Variants in CLNK observed in about 807,000 individuals in gnomAD.
CLNK encodes cytokine dependent hematopoietic cell linker, also known as cytokine-dependent hematopoietic cell linker.
Under a neutral mutation model 68.6 loss-of-function variants are expected in CLNK, and 74 were observed. That is an observed-to-expected ratio of 1.08 (90% CI 0.89 to 1.31). CLNK has a LOEUF of 1.31. CLNK is among the 50% of genes most tolerant of loss of function. The probability of loss-of-function intolerance (pLI) is 0.00; values close to 1 mark genes in which losing one functional copy is unlikely to be tolerated. For synonymous variants in CLNK, 198 were observed against 172.2 expected, an observed-to-expected ratio of 1.15 and a Z score of -1.17; for missense variants, 553 against 515.3, an observed-to-expected ratio of 1.07 and a Z score of -0.71.
At chr4:10,633,960 CA>C (rs1263188817) in intron 2 of CLNK, among the ~76,000 whole-genome samples, 1 of 152,152 alleles carries the variant, frequency 6.6e-6, no homozygotes, top group East Asian at 1.9e-4. Context: ...CTAGTGAGGT[CA>C]GAATGAGAAC....
intron 5 of CLNK, among the ~76,000 whole-genome samples, chr4:10,567,131 G>GAAAA (rs61037076): frequency 4.5e-5 from 5 of 110,550 alleles, no homozygotes; most frequent in Non-Finnish European, 3.7e-5. Context: ...ACAATCTTGG[G>GAAAA]AAAAAAAAAA....
At chr4:10,609,993 T>C (rs1033680184) in intron 2 of CLNK, among the ~76,000 whole-genome samples, 3 of 149,520 alleles carry the variant, frequency 2.0e-5, no homozygotes, top group African/African-American at 7.5e-5. Context: ...GTACTCGTTT[T>C]CTAATTAAGC....
chr4:10,717,145 A>G, the CLNK span, among the ~76,000 whole-genome samples: 1 of 152,196 alleles, frequency 6.6e-6, no homozygotes, highest in Non-Finnish European at 1.5e-5. Flanking sequence ...GAGGAAGCTG[A>G]GCAGGAAACT....
chr4:10,537,625 CTTTCTTTCTT>C lies in CLNK; in HGVS notation c.602+2859_602+2868del, dbSNP rs1208827947. On this transcript the variant is annotated intron_variant, in intron 11 of 18. Transcript: ENST00000226951. Reference sequence around the variant, plus strand: ...TCTTTCTCCCTTTCTCTCTCTCTTTCTTTCTTTCTTTCTCTTTCTTTCTTTCTTTCTTTCT... The same window carrying C: ...TCTTTCTCCCTTTCTCTCTCTCTTTCTCTCTTTCTTTCTTTCTTTCTTTCT... Among the ~76,000 whole-genome samples the C allele has an allele frequency of 3.0e-3, 417 of 139,934 alleles. 15 individuals carry two copies. Among genetic ancestry groups the C allele is most frequent in the East Asian group, 0.014 (63 of 4,596 alleles). The allele number at this position is 139,934 out of a possible 152,430, so 91.8% of individuals were successfully genotyped here. A position where few individuals can be genotyped will look rare whatever the true frequency, so the allele number is the denominator to read the frequency against.
chr4:10,548,622 G>A (rs1001703944), intron 8 of CLNK, among the ~76,000 whole-genome samples: 4 of 152,160 alleles, frequency 2.6e-5, no homozygotes, highest in Non-Finnish European at 5.9e-5. Flanking sequence ...TCTTCTAGGA[G>A]TTCTGTAGTT....
chr4:10,689,655 C>G (rs1158539369), upstream of CLNK, among the ~76,000 whole-genome samples: 2 of 150,836 alleles, frequency 1.3e-5, no homozygotes, highest in Non-Finnish European at 3.0e-5. Context: ...CAAAACAGAA[C>G]TATTGAACAC....
the CLNK span, chr4:10,696,975 G>A: frequency 2.6e-5 from 4 of 152,106 alleles, no homozygotes; most frequent in African/African-American, 9.7e-5. Context: ...AATTCTCCTG[G>A]TGATTCTTAT....
intron 7 of CLNK, among the ~76,000 whole-genome samples, chr4:10,558,776 C>T (rs1280594971): frequency 6.6e-6 from 1 of 152,188 alleles, no homozygotes; most frequent in Non-Finnish European, 1.5e-5. Context: ...AAATGCTCAT[C>T]ATTCATGTCC....
At chr4:10,507,610 C>T (rs1717362406) in intron 17 of CLNK, among the ~76,000 whole-genome samples, 3 of 152,046 alleles carry the variant, frequency 2.0e-5, no homozygotes, top group South Asian at 4.2e-4. Flanking sequence ...ATTACAGATG[C>T]GTGCCACCAT....
chr4:10,667,731 CCT>C (rs1724455378), intron 2 of CLNK, 126 bp downstream of exon 2: 1 of 301,860 alleles, frequency 3.3e-6, no homozygotes, highest in African/African-American at 4.1e-5. Flanking sequence ...TCAACCATGG[CCT>C]CTCAGGAAAT....
chr4:10,617,715 A>G (rs1722290214), intron 2 of CLNK, among the ~76,000 whole-genome samples: 1 of 152,226 alleles, frequency 6.6e-6, no homozygotes, highest in Non-Finnish European at 1.5e-5. Context: ...TATTTGTACC[A>G]TATAGCCAGA....
At chr4:10,502,325 G>C (rs1560190577) in intron 17 of CLNK, among the ~76,000 whole-genome samples, 1 of 152,104 alleles carries the variant, frequency 6.6e-6, no homozygotes, top group East Asian at 1.9e-4. Context: ...GAGGAGTGAA[G>C]GGAGAGGAGC....
upstream of CLNK, among the ~76,000 whole-genome samples, chr4:10,686,888 T>C (rs1458091836): frequency 6.6e-6 from 1 of 152,132 alleles, no homozygotes; most frequent in East Asian, 1.9e-4. Flanking sequence ...GATAATAGTG[T>C]AGGTGATATT....
At chr4:10,518,056 C>T (rs1333503337) in intron 15 of CLNK, among the ~76,000 whole-genome samples, 1 of 151,418 alleles carries the variant, frequency 6.6e-6, no homozygotes, top group East Asian at 1.9e-4. Context: ...TTTATAACCC[C>T]ATGAAATAGG....
At chr4:10,560,135 G>A (rs1025913634) in intron 7 of CLNK, among the ~76,000 whole-genome samples, 6 of 152,270 alleles carry the variant, frequency 3.9e-5, no homozygotes, top group African/African-American at 1.2e-4. Flanking sequence ...GGCTACTCTC[G>A]GAGATGCAGG....
At chr4:10,622,011 T>C (rs1451476540) in intron 2 of CLNK, among the ~76,000 whole-genome samples, 1 of 152,218 alleles carries the variant, frequency 6.6e-6, no homozygotes, top group Non-Finnish European at 1.5e-5. Context: ...GGACTTGTTA[T>C]TTGCAGTCTA....
intron 3 of CLNK, among the ~76,000 whole-genome samples, chr4:10,591,735 T>A (rs943410315): frequency 6.6e-6 from 1 of 152,214 alleles, no homozygotes; most frequent in African/African-American, 2.4e-5. Flanking sequence ...GAATCGGTTG[T>A]ACATTTTCAA....
At chr4:10,733,168 C>A in the CLNK span, among the ~76,000 whole-genome samples, 1 of 152,140 alleles carries the variant, frequency 6.6e-6, no homozygotes, top group Non-Finnish European at 1.5e-5. Context: ...TCCTCAGCTG[C>A]CTGTCTTGGG....
At chr4:10,513,961 AC>A (rs1717721207) in intron 15 of CLNK, among the ~76,000 whole-genome samples, 1 of 131,738 alleles carries the variant, frequency 7.6e-6, no homozygotes, top group Admixed American at 7.7e-5. Context: ...GCACCCACTA[AC>A]TCGTCATCTA....
Sources: gnomAD v4.1 joint callset for allele counts (sites outside exome capture counted in the v4.1 genomes callset) on GRCh38, gnomAD v4.1.1 for gene constraint, MANE v1.5 for transcripts, NCBI Gene and HGNC (gene_info 2026-07-23, HGNC 2026-07-21) for gene names.